Variants in TTC39B observed in about 807,000 individuals in gnomAD.
TTC39B encodes tetratricopeptide repeat protein 39B.
Under a neutral mutation model 96.6 loss-of-function variants are expected in TTC39B, and 92 were observed. The observed-to-expected ratio is 0.95, with a 90% CI of 0.80 to 1.13. The LOEUF (loss-of-function observed/expected upper bound fraction) is 1.13. TTC39B is among the 50% of genes most tolerant of loss of function. The pLI, the probability that TTC39B is intolerant of heterozygous loss-of-function variation, is 0.00. For synonymous variants in TTC39B, 367 were observed against 299.4 expected, an observed-to-expected ratio of 1.23 and a Z score of -2.33; for missense variants, 955 against 809.3, an observed-to-expected ratio of 1.18 and a Z score of -2.18.
chr9:15,226,400 T>A (rs1278414225), intron 2 of TTC39B, among the ~76,000 whole-genome samples: 1 of 152,202 alleles, frequency 6.6e-6, no homozygotes, highest in African/African-American at 2.4e-5. Context: ...ATGGATTACA[T>A]ATAGGAATTA....
At chr9:15,252,588 C>T (rs1404848109) in intron 2 of TTC39B, among the ~76,000 whole-genome samples, 1 of 151,846 alleles carries the variant, frequency 6.6e-6, no homozygotes, top group Non-Finnish European at 1.5e-5. Flanking sequence ...GCACAGGTTG[C>T]AGTGAGCCAA....
Position 15,189,401 on chromosome 9 carries a change from T to G in TTC39B, c.1233+173A>C, listed in dbSNP as rs115226592. ...AATCCACTGCATAGATTTTATATAA[T>G]AGAATGTATATACAAGTTAAAAGTT... is the stretch of plus-strand genomic sequence containing the variant. On this transcript the variant is annotated intron_variant, in intron 13 of 19. Transcript: ENST00000512701. Among the ~76,000 whole-genome samples the G allele has an allele frequency of 1.9e-3, 281 of 151,422 alleles. 5 individuals carry two copies. Among genetic ancestry groups the G allele is most frequent in the African/African-American group, 6.7e-3 (274 of 40,726 alleles).
intron 1 of TTC39B, among the ~76,000 whole-genome samples, chr9:15,272,394 G>A (rs75588999): frequency 0.034 from 5,129 of 152,100 alleles, 285 homozygotes; most frequent in African/African-American, 0.12. Flanking sequence ...GTTACAACAC[G>A]CACACTCAGA....
chr9:15,229,433 T>A (rs1463389185), intron 2 of TTC39B, among the ~76,000 whole-genome samples: 2 of 152,246 alleles, frequency 1.3e-5, no homozygotes, highest in African/African-American at 4.8e-5. Context: ...TGTAAAATTA[T>A]GTTAACTTGT....
chr9:15,267,977 T>A, intron 1 of TTC39B, 29 bp from the exon 2 acceptor site: 7 of 1,594,472 alleles, frequency 4.4e-6, no homozygotes, highest in Non-Finnish European at 5.1e-6. Context: ...ACAATGAGTT[T>A]CTCAAGAATT....
At chr9:15,261,411 G>T (rs1215015340) in intron 2 of TTC39B, among the ~76,000 whole-genome samples, 2 of 152,110 alleles carry the variant, frequency 1.3e-5, no homozygotes, top group Non-Finnish European at 2.9e-5. Context: ...GGAGTTTGGG[G>T]CTGCAGTGAG....
At chr9:15,233,839 C>T (rs1361632266) in intron 2 of TTC39B, among the ~76,000 whole-genome samples, 4 of 150,224 alleles carry the variant, frequency 2.7e-5, no homozygotes, top group Non-Finnish European at 5.9e-5. Flanking sequence ...GTGAGGAGCC[C>T]CTCTGCCTGG....
intron 18 of TTC39B, among the ~76,000 whole-genome samples, chr9:15,175,638 A>G (rs1817895502): frequency 6.6e-6 from 1 of 152,228 alleles, no homozygotes; most frequent in African/African-American, 2.4e-5. Flanking sequence ...GAAAAAAAAT[A>G]CAACTAACAC....
intron 2 of TTC39B, among the ~76,000 whole-genome samples, chr9:15,251,392 G>A (rs1261144570): frequency 4.6e-5 from 7 of 150,780 alleles, no homozygotes; most frequent in Admixed American, 6.6e-5. Context: ...GAGAAACCCC[G>A]TCTCCTCTAA....
chr9:15,226,345 C>T (rs1422040371), intron 2 of TTC39B, among the ~76,000 whole-genome samples: 1 of 152,004 alleles, frequency 6.6e-6, no homozygotes, highest in Non-Finnish European at 1.5e-5. Flanking sequence ...TTTAATAAAA[C>T]TTTATTAAAG....
intron 1 of TTC39B, among the ~76,000 whole-genome samples, chr9:15,296,088 G>A (rs1475720784): frequency 6.6e-6 from 1 of 152,196 alleles, no homozygotes; most frequent in African/African-American, 2.4e-5. Flanking sequence ...ACTCATGGTT[G>A]TCCAGAATGC....
intron 1 of TTC39B, among the ~76,000 whole-genome samples, chr9:15,295,036 A>C (rs1247343302): frequency 1.3e-5 from 2 of 152,206 alleles, no homozygotes; most frequent in Non-Finnish European, 2.9e-5. Flanking sequence ...GGGATGTGTC[A>C]AGTAATTTTC....
chr9:15,278,047 A>G (rs1198451755), intron 1 of TTC39B, among the ~76,000 whole-genome samples: 1 of 152,246 alleles, frequency 6.6e-6, no homozygotes, highest in African/African-American at 2.4e-5. Flanking sequence ...GTTTCTACTA[A>G]CACATAGATT....
chr9:15,294,758 C>G (rs1200003202), intron 1 of TTC39B, among the ~76,000 whole-genome samples: 2 of 152,202 alleles, frequency 1.3e-5, no homozygotes, highest in Non-Finnish European at 2.9e-5. Flanking sequence ...GGTTTTTCTG[C>G]AAGACTCTGG....
chr9:15,293,888 G>C (rs1355195463), intron 1 of TTC39B, among the ~76,000 whole-genome samples: 1 of 152,172 alleles, frequency 6.6e-6, no homozygotes, highest in East Asian at 1.9e-4. Context: ...ACTGTGGGCT[G>C]TAACCAATCC....
intron 19 of TTC39B, 106 bp from the exon 20 acceptor site, chr9:15,172,215 A>G (rs1817699779): frequency 1.4e-6 from 1 of 725,724 alleles, no homozygotes; most frequent in East Asian, 2.9e-5. Flanking sequence ...TTCAAACTCT[A>G]ATATACATAA....
Position 15,306,988 on chromosome 9 carries a change from G to GA in TTC39B, c.240+95_240+96insT. 2.0e-6 allele frequency: 3 copies of GA among 1,526,470 alleles called. No homozygotes were observed. Among genetic ancestry groups the GA allele is most frequent in the Non-Finnish European group, 2.6e-6 (3 of 1,133,126 alleles). 94.6% of individuals were successfully genotyped at this position (1,526,470 alleles called of 1,614,324 possible). A position where few individuals can be genotyped will look rare whatever the true frequency, so the allele number is the denominator to read the frequency against. Reference sequence around the variant, plus strand: ...CCACCCCAGAGAGGGGACCAAGGGGGCGGGGCCTCGGCCGTCCTAGCCGGG... The same window carrying GA: ...CCACCCCAGAGAGGGGACCAAGGGGGACGGGGCCTCGGCCGTCCTAGCCGGG... On this transcript the variant is annotated intron_variant, in intron 1 of 19. Transcript: ENST00000512701. This position sits in a 1 kb window ranked among gnomAD's most constrained non-coding sequence, Gnocchi z 5.1.
chr9:15,266,130 T>G (rs1823121395), intron 2 of TTC39B, among the ~76,000 whole-genome samples: 1 of 152,034 alleles, frequency 6.6e-6, no homozygotes, highest in African/African-American at 2.4e-5. Context: ...ACTTAAGAAA[T>G]TAATAATAGA....
chr9:15,190,414 T>C (rs1487571294), intron 11 of TTC39B, 140 bp downstream of exon 11: 1 of 651,462 alleles, frequency 1.5e-6, no homozygotes, highest in East Asian at 2.7e-5. Context: ...GACGTGATCA[T>C]AGCTCACCGC....
Sources: allele counts gnomAD v4.1 joint callset (sites outside exome capture counted in the v4.1 genomes callset), GRCh38; gene constraint gnomAD v4.1.1; non-coding constraint Gnocchi (gnomAD v3.1); transcripts MANE v1.5; gene names NCBI Gene and HGNC (gene_info 2026-07-23, HGNC 2026-07-21).